The following CEACAM7 variants were observed in gnomAD, a reference collection of about 807,000 sequenced individuals.
CEACAM7 encodes the protein cell adhesion molecule CEACAM7.
A neutral mutation model predicts 25.7 loss-of-function variants in CEACAM7; 24 were observed. The ratio of observed to expected loss-of-function variants is 0.93; its 90% CI spans 0.68 to 1.31. The LOEUF (loss-of-function observed/expected upper bound fraction) is 1.31. Ranked by LOEUF, CEACAM7 falls within the 40% of genes most tolerant of loss-of-function variation. The pLI is 0.00. For synonymous variants in CEACAM7, 144 were observed against 129.4 expected, an observed-to-expected ratio of 1.11 and a Z score of -0.77; for missense variants, 324 against 330.1, an observed-to-expected ratio of 0.98 and a Z score of 0.14.
rs2072090108 is a variant in CEACAM7 at position 41,674,028 on chromosome 19, C to G, written c.*748G>C. The G allele has an allele frequency of 6.6e-6, 1 of 152,192 alleles. No homozygotes were observed. Among genetic ancestry groups the G allele is most frequent in the Admixed American group, 6.5e-5 (1 of 15,278 alleles). The allele number at this position is 152,192 out of a possible 1,614,324, so 9.4% of individuals were successfully genotyped here. On this transcript the variant is annotated 3_prime_UTR_variant, in exon 5 of 5. Transcript: ENST00000401731. ...AAGCCTACCCATTTTAATCAAGCAG[C>G]ATATTTGTTAATTTTTGCAACTGAG...
At chr19:41,681,533 T>C (rs1600432188) in intron 3 of CEACAM7, among the ~76,000 whole-genome samples, 1 of 152,104 alleles carries the variant, frequency 6.6e-6, no homozygotes, top group African/African-American at 2.4e-5. Flanking sequence ...AGCTCAAAAG[T>C]CCACCGAACG....
chr19:41,685,194 C>G (rs899150897), intron 2 of CEACAM7, among the ~76,000 whole-genome samples: 2 of 152,226 alleles, frequency 1.3e-5, no homozygotes, highest in Non-Finnish European at 2.9e-5. Context: ...GGACTGCACA[C>G]CTGTCCTGCC....
At chr19:41,685,094 G>A (rs1555811086) in intron 2 of CEACAM7, among the ~76,000 whole-genome samples, 1 of 152,208 alleles carries the variant, frequency 6.6e-6, no homozygotes, top group East Asian at 1.9e-4. Flanking sequence ...CCTGGAGGAG[G>A]TCCCAGGAAT....
intron 3 of CEACAM7, among the ~76,000 whole-genome samples, chr19:41,678,083 T>A (rs1342862587): frequency 6.6e-6 from 1 of 152,174 alleles, no homozygotes; most frequent in Non-Finnish European, 1.5e-5. Flanking sequence ...ATCTGCATCA[T>A]GATCTGAGGG....
At chr19:41,676,992 G>A (rs2122714921) in intron 4 of CEACAM7, among the ~76,000 whole-genome samples, 1 of 152,314 alleles carries the variant, frequency 6.6e-6, no homozygotes, top group South Asian at 2.1e-4. Context: ...GGAAGGTAAT[G>A]AAGTAGTCAT....
In CEACAM7 at chr19:41,688,221, CTT is replaced by C. The variant is rs1383898178; in HGVS notation, c.-58_-57del. On this transcript the variant is annotated 5_prime_UTR_variant, in exon 1 of 5. Coordinates refer to ENST00000401731, the MANE Select transcript of CEACAM7 (RefSeq NM_001291485.2). Reference sequence around the variant, plus strand: ...GAAGAGCTTGGGCTCCAGGAACTCTCTTGTCAGGGCTGCTGTGACTGTCAGCT... The same window carrying C: ...GAAGAGCTTGGGCTCCAGGAACTCTCGTCAGGGCTGCTGTGACTGTCAGCT... 5 of 1,586,074 alleles carry C rather than the reference CTT, an allele frequency of 3.2e-6. No homozygotes were observed. The highest frequency in any genetic ancestry group is 2.3e-5 in the East Asian group (1 of 43,574).
At chr19:41,685,161 T>C (rs2072214516) in intron 2 of CEACAM7, among the ~76,000 whole-genome samples, 1 of 152,076 alleles carries the variant, frequency 6.6e-6, no homozygotes, top group Non-Finnish European at 1.5e-5. Context: ...GTAAAATGGG[T>C]GGAATGAACC....
At chr19:41,682,291 T>G (rs937286868) in intron 3 of CEACAM7, among the ~76,000 whole-genome samples, 2 of 152,174 alleles carry the variant, frequency 1.3e-5, no homozygotes, top group Non-Finnish European at 1.5e-5. Flanking sequence ...TTATGAGTGC[T>G]TAACCTTTAT....
intron 2 of CEACAM7, among the ~76,000 whole-genome samples, chr19:41,685,240 A>G (rs182712599): frequency 1.3e-3 from 199 of 152,252 alleles, no homozygotes; most frequent in African/African-American, 4.3e-3. Flanking sequence ...GAGAGCAGAT[A>G]GAGGAGTTGC....
intron 2 of CEACAM7, among the ~76,000 whole-genome samples, chr19:41,684,768 A>G (rs917617391): frequency 6.6e-6 from 1 of 152,220 alleles, no homozygotes; most frequent in African/African-American, 2.4e-5. Context: ...AAGACAAATT[A>G]GGAGAAGAGA....
At chr19:41,676,954 G>A (rs141024190) in intron 4 of CEACAM7, among the ~76,000 whole-genome samples, 7 of 152,260 alleles carry the variant, frequency 4.6e-5, no homozygotes, top group East Asian at 3.9e-4. Flanking sequence ...AGAGTAGGCC[G>A]CTGCAGGTTC....
intron 2 of CEACAM7, 57 bp downstream of exon 2, chr19:41,686,802 G>A (rs140577397): frequency 1.6e-5 from 24 of 1,499,784 alleles, no homozygotes; most frequent in East Asian, 4.5e-5. Flanking sequence ...TGACAACCCC[G>A]TGTGTATGAA....
intron 2 of CEACAM7, among the ~76,000 whole-genome samples, chr19:41,684,567 T>A (rs1399809154): frequency 6.6e-6 from 1 of 151,724 alleles, no homozygotes; most frequent in Non-Finnish European, 1.5e-5. Context: ...AGTCTAGAGG[T>A]GAGTTTAGTA....
rs1568689868 is a variant in CEACAM7, at chr19:41,687,016, A to G, written c.270T>C (p.Asn90=). Residue 90 remains asparagine (N), a synonymous_variant, in exon 2 of 5, where the codon AAT becomes AAC. Transcript: ENST00000401731. ...IGYVKNISQE[N]APGPAHNGRE... ...GACCGTTGTGTGCGGGCCCTGGGGC[A>G]TTTTCTTGACTTATATTTTTTACAT... 6.2e-7 allele frequency: 1 copy of G among 1,613,816 alleles called. No individual in the cohort carries two copies. The highest frequency in any genetic ancestry group is 1.1e-5 in the South Asian group (1 of 91,072).
At chr19:41,686,111 C>T (rs929578186) in intron 2 of CEACAM7, among the ~76,000 whole-genome samples, 10 of 152,120 alleles carry the variant, frequency 6.6e-5, no homozygotes, top group Non-Finnish European at 1.3e-4. Flanking sequence ...TTGTTTGCCT[C>T]CAGGAGTGGG....
chr19:41,679,474 A>G (rs2072149942), intron 3 of CEACAM7, among the ~76,000 whole-genome samples: 1 of 152,236 alleles, frequency 6.6e-6, no homozygotes, highest in Non-Finnish European at 1.5e-5. Context: ...ATCATACTCC[A>G]GGGAGAAAGA....
intron 3 of CEACAM7, among the ~76,000 whole-genome samples, chr19:41,679,529 G>C (rs913696794): frequency 6.6e-6 from 1 of 152,176 alleles, no homozygotes; most frequent in African/African-American, 2.4e-5. Flanking sequence ...AGAATGCCTA[G>C]TTTTACCACT....
intron 2 of CEACAM7, among the ~76,000 whole-genome samples, chr19:41,684,298 A>C (rs2072205835): frequency 6.6e-6 from 1 of 152,220 alleles, no homozygotes; most frequent in Non-Finnish European, 1.5e-5. Context: ...ATTGTGCAGC[A>C]GCGTTGGCCC....
rs782515145 is a variant in CEACAM7 at position 41,687,093 on chromosome 19, A to G, written c.193T>C (p.Tyr65His). The stretch of plus-strand genomic sequence containing the variant: ...ACCCTTTCCCCTTTGTACCAGTTGT[A>G]GCCATAAAGATTCTGGGACTCATTA... ...VHNESQNLYG[Y>H]NWYKGERVHA... Residue 65 changes from tyrosine (Y) to histidine (H), a missense_variant, in exon 2 of 5, where the codon TAC becomes CAC. By Grantham distance (83) the Tyr-to-His change is moderately conservative. Transcript: ENST00000401731. The G allele has an allele frequency of 3.7e-5, 59 of 1,613,960 alleles. No homozygotes were observed. Among genetic ancestry groups the G allele is most frequent in the Non-Finnish European group, 4.9e-5 (58 of 1,180,006 alleles).
Sources: allele counts gnomAD v4.1 joint callset (sites outside exome capture counted in the v4.1 genomes callset), GRCh38; gene constraint gnomAD v4.1.1; transcripts MANE v1.5; gene names NCBI Gene and HGNC (gene_info 2026-07-23, HGNC 2026-07-21).